MYO3A: variants seen among roughly 807,000 people sequenced by gnomAD.
MYO3A encodes the protein myosin-IIIa.
In MYO3A, 180 loss-of-function variants were observed where a neutral mutation model predicts 192.7. That is an observed-to-expected ratio of 0.93 (90% CI 0.83 to 1.06). The LOEUF is 1.06. Among genes scored for constraint, MYO3A ranks in the 50% least tolerant of loss-of-function variants. MYO3A has a pLI of 0.00. For missense variants in MYO3A, 1,896 were observed against 1,905.0 expected (o/e 1.00, Z 0.09); for synonymous variants, 628 against 645.3 (o/e 0.97, Z 0.41).
At chr10:26,185,003 A>G (rs1842794666) in intron 31 of MYO3A, among the ~76,000 whole-genome samples, 1 of 152,214 alleles carries the variant, frequency 6.6e-6, no homozygotes, top group South Asian at 2.1e-4. Context: ...GCTCATGGGA[A>G]GTTTGCTCTT....
intron 10 of MYO3A, 125 bp downstream of exon 10, chr10:26,026,657 A>T (rs1842561178): frequency 9.1e-7 from 1 of 1,097,510 alleles, no homozygotes; most frequent in South Asian, 1.3e-5. Context: ...TGAAAAGTGA[A>T]TGTCACCTGT....
chr10:26,145,392 A>AT, intron 21 of MYO3A, 54 bp from the exon 22 acceptor site: 1 of 1,262,008 alleles, frequency 7.9e-7, no homozygotes, highest in Non-Finnish European at 1.2e-6. Context: ...TTTTCGCAGT[A>AT]TTTTTTGAGG....
chr10:26,088,020 C>A (rs1564535409), intron 14 of MYO3A, among the ~76,000 whole-genome samples, 183 bp from the exon 15 acceptor site: 1 of 152,142 alleles, frequency 6.6e-6, no homozygotes, highest in Admixed American at 6.5e-5. Context: ...TTTAAGAAAA[C>A]AAGTGAGTGA....
rs1838347548 is a variant in MYO3A at position 25,967,653 on chromosome 10, T to C, written c.303+12645T>C. 1.3e-5 allele frequency among the ~76,000 whole-genome samples: 2 copies of C among 152,154 alleles called. 1 individual carries two copies. Among genetic ancestry groups the C allele is most frequent in the South Asian group, 4.1e-4 (2 of 4,830 alleles). On this transcript the variant is annotated intron_variant, in intron 4 of 34. Coordinates refer to ENST00000642920, the MANE Select transcript of MYO3A (RefSeq NM_017433.5). ...GAGTCAGACCCAGAAGTAACAGAGA[T>C]GTTGAAATTAGCTGGTTCGTACTTT...
chr10:26,115,921 T>C (rs956917630), intron 17 of MYO3A, among the ~76,000 whole-genome samples: 1 of 152,180 alleles, frequency 6.6e-6, no homozygotes, highest in Non-Finnish European at 1.5e-5. Context: ...CAAATTAAAG[T>C]CATAAGTGTA....
At chr10:26,031,583 G>T (rs568076526) in intron 10 of MYO3A, among the ~76,000 whole-genome samples, 16 of 152,302 alleles carry the variant, frequency 1.1e-4, no homozygotes, top group African/African-American at 3.8e-4. Context: ...TAACCATTTT[G>T]AAATTTCTTC....
chr10:26,188,797 T>C (rs923933499), intron 31 of MYO3A, among the ~76,000 whole-genome samples: 6 of 152,222 alleles, frequency 3.9e-5, no homozygotes, highest in African/African-American at 1.4e-4. Flanking sequence ...CAGATAGTTG[T>C]AGATAAGTGG....
intron 2 of MYO3A, among the ~76,000 whole-genome samples, chr10:25,940,375 A>G (rs1836407096): frequency 6.6e-6 from 1 of 151,998 alleles, no homozygotes; most frequent in African/African-American, 2.4e-5. Flanking sequence ...TTTGACATGT[A>G]TATTTTTCTT....
At chr10:26,070,239 G>C in intron 13 of MYO3A, 24 bp downstream of exon 13, 1 of 1,597,100 alleles carries the variant, frequency 6.3e-7, no homozygotes, top group Non-Finnish European at 8.6e-7. Flanking sequence ...CCCATTCTTA[G>C]AAATTTACCT....
chr10:26,177,699 G>A (rs1842401767), intron 31 of MYO3A, among the ~76,000 whole-genome samples: 1 of 152,126 alleles, frequency 6.6e-6, no homozygotes, highest in Non-Finnish European at 1.5e-5. Flanking sequence ...TTGCTTTCTT[G>A]GAGGCCCTCC....
intron 20 of MYO3A, among the ~76,000 whole-genome samples, chr10:26,140,780 A>G (rs1482354970): frequency 3.3e-5 from 5 of 152,306 alleles, no homozygotes; most frequent in African/African-American, 1.2e-4. Flanking sequence ...TGAAGAAAAT[A>G]TATATAAAAT....
chr10:26,077,063 T>A (rs1012177745), intron 14 of MYO3A, among the ~76,000 whole-genome samples: 1 of 151,990 alleles, frequency 6.6e-6, no homozygotes, highest in Non-Finnish European at 1.5e-5. Flanking sequence ...GGGGATTTCA[T>A]TGAAGTTGTA....
chr10:26,010,182 A>G (rs1841533926), intron 6 of MYO3A, among the ~76,000 whole-genome samples: 1 of 151,462 alleles, frequency 6.6e-6, no homozygotes, highest in Admixed American at 6.6e-5. Context: ...TAAAGAAAGG[A>G]AAAGATCTAG....
chr10:26,026,374 C>G lies in MYO3A; in HGVS notation c.798-3C>G. ...AATTGCATGTTCTTTTTTGCCAGTG[C>G]AGGTGCTTGACTAAAGATTATGAAA... On this transcript the variant is annotated splice_region_variant and splice_polypyrimidine_tract_variant and intron_variant, in intron 9 of 34. Transcript: ENST00000642920. The G allele has an allele frequency of 6.2e-7, 1 of 1,613,890 alleles. No individual in the cohort carries two copies. The highest frequency in any genetic ancestry group is 8.5e-7 in the Non-Finnish European group (1 of 1,179,920).
intron 29 of MYO3A, among the ~76,000 whole-genome samples, chr10:26,173,440 G>A (rs1001280107): frequency 1.3e-5 from 2 of 152,156 alleles, no homozygotes; most frequent in African/African-American, 4.8e-5. Flanking sequence ...TTCTCACTCC[G>A]AGTTGAATCT....
At chr10:25,949,570 G>C (rs1837069604) in intron 2 of MYO3A, among the ~76,000 whole-genome samples, 1 of 151,972 alleles carries the variant, frequency 6.6e-6, no homozygotes, top group Non-Finnish European at 1.5e-5. Flanking sequence ...TTTGCATTTT[G>C]GATCAAAGAC....
At chr10:26,081,382 G>A (rs1588919707) in intron 14 of MYO3A, among the ~76,000 whole-genome samples, 1 of 152,076 alleles carries the variant, frequency 6.6e-6, no homozygotes, top group East Asian at 1.9e-4. Flanking sequence ...CAGCTCCCAT[G>A]CAAACTGAAG....
intron 26 of MYO3A, among the ~76,000 whole-genome samples, chr10:26,158,316 G>A (rs984799145): frequency 8.6e-5 from 13 of 151,216 alleles, no homozygotes; most frequent in Non-Finnish European, 1.3e-4. Flanking sequence ...GCAGTGGCGC[G>A]ATCTCAGCTC....
chr10:26,038,615 C>T (rs1247582639), intron 10 of MYO3A, among the ~76,000 whole-genome samples: 5 of 151,940 alleles, frequency 3.3e-5, no homozygotes, highest in African/African-American at 4.8e-5. Context: ...TCAAGTATAC[C>T]GTCATATCCT....
Sources: gnomAD v4.1 joint callset for allele counts (sites outside exome capture counted in the v4.1 genomes callset) on GRCh38, gnomAD v4.1.1 for gene constraint, MANE v1.5 for transcripts, NCBI Gene and HGNC (gene_info 2026-07-23, HGNC 2026-07-21) for gene names.